Variants in RRP12 observed in about 807,000 individuals in gnomAD.
The protein encoded by RRP12 is ribosomal RNA processing 12 homolog.
A neutral mutation model predicts 157.3 loss-of-function variants in RRP12; 78 were observed. That is an observed-to-expected ratio of 0.50 (90% CI 0.41 to 0.60). The LOEUF (loss-of-function observed/expected upper bound fraction) is 0.60. Ranked by LOEUF, RRP12 falls within the 20% of genes least tolerant of loss-of-function variation. RRP12 has a pLI of 0.00. For synonymous variants in RRP12, 726 were observed against 670.9 expected, an observed-to-expected ratio of 1.08 and a Z score of -1.27; for missense variants, 1,521 against 1,679.9, an observed-to-expected ratio of 0.91 and a Z score of 1.65.
chr10:97,396,618 T>C (rs577920614), intron 2 of RRP12, among the ~76,000 whole-genome samples: 24 of 152,302 alleles, frequency 1.6e-4, no homozygotes, highest in Non-Finnish European at 2.1e-4. Context: ...AGGAGATTAA[T>C]AATGTACTGT....
At chr10:97,393,906 G>C in intron 3 of RRP12, 146 bp from the exon 4 acceptor site, 2 of 626,816 alleles carry the variant, frequency 3.2e-6, no homozygotes, top group Non-Finnish European at 5.6e-6. Context: ...GGCATTGTGT[G>C]GTTTTGGGCT....
intron 15 of RRP12, among the ~76,000 whole-genome samples, chr10:97,378,410 C>T (rs928223861): frequency 6.6e-6 from 1 of 152,146 alleles, no homozygotes; most frequent in Non-Finnish European, 1.5e-5. Flanking sequence ...AGTGCTGCAA[C>T]TGTAATACAA....
At chr10:97,392,816 C>T (rs1403778423) in intron 4 of RRP12, among the ~76,000 whole-genome samples, 7 of 152,016 alleles carry the variant, frequency 4.6e-5, no homozygotes, top group Non-Finnish European at 1.0e-4. Context: ...CTCAGCCTCC[C>T]GAGTAGCTGA....
chr10:97,397,280 C>T (rs186152311), intron 2 of RRP12, among the ~76,000 whole-genome samples: 68 of 152,182 alleles, frequency 4.5e-4, no homozygotes, highest in African/African-American at 1.6e-3. Context: ...CCTGCCTCAG[C>T]CTCCTGAGTA....
intron 22 of RRP12, 65 bp from the exon 23 acceptor site, chr10:97,370,625 C>T (rs1195984587): frequency 6.3e-7 from 1 of 1,581,894 alleles, no homozygotes; most frequent in Non-Finnish European, 8.7e-7. Context: ...GAATCGAGTC[C>T]TCCCACTCCC....
intron 8 of RRP12, among the ~76,000 whole-genome samples, chr10:97,386,317 G>A (rs1296643940): frequency 6.7e-6 from 1 of 149,998 alleles, no homozygotes; most frequent in African/African-American, 2.5e-5. Flanking sequence ...TGGATACAGG[G>A]GTGAGACCAA....
At chr10:97,366,035 C>T (rs201200235) in intron 29 of RRP12, 73 bp downstream of exon 29, 29 of 1,591,852 alleles carry the variant, frequency 1.8e-5, no homozygotes, top group East Asian at 4.5e-5. Flanking sequence ...TTTTTAGCCA[C>T]GCTTCCTCAG....
rs1844479442 is a variant in RRP12 at position 97,381,908 on chromosome 10, A to G, written c.1209-82T>C. ...CCAGGGCTCAGGGCTGAGACGGCCC[A>G]GCTCTGAAAACAGTCACAAACCCAG... On this transcript the variant is annotated intron_variant, in intron 10 of 33. Coordinates refer to ENST00000370992, the MANE Select transcript of RRP12 (RefSeq NM_015179.4). 16 of 920,682 alleles carry G rather than the reference A, an allele frequency of 1.7e-5. 1 individual carries two copies. The South Asian group carries it at 2.5e-4, about 14-fold the overall frequency. 57.0% of individuals were successfully genotyped at this position (920,682 alleles called of 1,614,324 possible).
chr10:97,386,859 G>A (rs981740693), intron 8 of RRP12, among the ~76,000 whole-genome samples: 3 of 152,030 alleles, frequency 2.0e-5, no homozygotes, highest in Non-Finnish European at 2.9e-5. Flanking sequence ...GTGTGGTGGC[G>A]GGCGCCTGTA....
At position 97,361,070 on chromosome 10, in the gene RRP12, C is replaced by T. The variant is rs192696816; in HGVS notation, c.3568-452G>A. Among the ~76,000 whole-genome samples, 327 of 152,318 alleles carry T rather than the reference C, an allele frequency of 2.1e-3. 1 individual carries two copies. Among genetic ancestry groups the T allele is most frequent in the African/African-American group, 7.4e-3 (306 of 41,560 alleles). Reference sequence around the variant, plus strand: ...CACTTACTGATCCCCTACTAAGTGCCAGGCCCTGGGGACACAGGGCACAAG... The same window carrying T: ...CACTTACTGATCCCCTACTAAGTGCTAGGCCCTGGGGACACAGGGCACAAG... On this transcript the variant is annotated intron_variant, in intron 30 of 33. Coordinates refer to ENST00000370992, the MANE Select transcript of RRP12 (RefSeq NM_015179.4).
At chr10:97,363,957 C>A in intron 29 of RRP12, 54 bp from the exon 30 acceptor site, 4 of 1,532,548 alleles carry the variant, frequency 2.6e-6, no homozygotes, top group Non-Finnish European at 3.6e-6. Flanking sequence ...TCAAAACCTA[C>A]CCTTTCCTTC....
In RRP12 at chr10:97,388,494, G is replaced by T. The variant is rs779507667; in HGVS notation, c.884C>A (p.Ser295Tyr). ...CCTCCATTTGGGTTCCCCACCTCCAGACTTCTCAATCTCCTGGATGCAGAA... is the reference window on the plus strand; with the variant it reads ...CCTCCATTTGGGTTCCCCACCTCCATACTTCTCAATCTCCTGGATGCAGAA... ...AKFCIQEIEK[S>Y]GGSKEATTTL... The change falls in exon 7 of 34, where the codon TCT (serine) becomes TAT (tyrosine). Residue 295 changes from serine to tyrosine, a missense_variant. Transcript: ENST00000370992. 11 of 1,614,038 alleles carry T rather than the reference G, an allele frequency of 6.8e-6. No individual in the cohort carries two copies. Among genetic ancestry groups the T allele is most frequent in the Non-Finnish European group, 9.3e-6 (11 of 1,180,028 alleles).
At chr10:97,366,964 G>A in intron 26 of RRP12, 55 bp from the exon 27 acceptor site, 2 of 1,609,600 alleles carry the variant, frequency 1.2e-6, no homozygotes, top group Non-Finnish European at 1.7e-6. Context: ...GCACGACCCA[G>A]ATGTAGTGTC....
Position 97,379,305 on chromosome 10 carries a change from G to T in RRP12, c.1786C>A (p.Leu596Met). The T allele has an allele frequency of 6.2e-7, 1 of 1,614,028 alleles. No individual in the cohort carries two copies. The highest frequency in any genetic ancestry group is 1.1e-5 in the South Asian group (1 of 91,056). Residue 596 changes from leucine (L) to methionine (M), a missense_variant, in exon 15 of 34, where the codon CTG (leucine) becomes ATG (methionine). Transcript: ENST00000370992. Reference sequence around the variant, plus strand: ...GGGTCTCTCCTACCTTTGCTCTTCAGGGTGTTAGCCAGGGGCAAGAAGTAG... The same window carrying T: ...GGGTCTCTCCTACCTTTGCTCTTCATGGTGTTAGCCAGGGGCAAGAAGTAG... ...TTYFLPLANT[L>M]KSKAMDLAQA...
In RRP12 at chr10:97,366,632, A is replaced by G. The variant is rs1843989741; in HGVS notation, c.3216-11T>C. On this transcript the variant is annotated splice_polypyrimidine_tract_variant and intron_variant, in intron 27 of 33. Coordinates refer to ENST00000370992, the MANE Select transcript of RRP12 (RefSeq NM_015179.4). Reference sequence around the variant, plus strand: ...AAAATCTCCTCAATGCTAAGGACAAAAAGCCCCCAGTCAGAGTGCTCCCAG... The same window carrying G: ...AAAATCTCCTCAATGCTAAGGACAAGAAGCCCCCAGTCAGAGTGCTCCCAG... 6.2e-7 allele frequency: 1 copy of G among 1,607,714 alleles called. No homozygotes were observed.
rs1784853699 is a variant in RRP12, at chr10:97,373,094, C to T, written c.2133G>A (p.Arg711=). Residue 711 remains arginine (R), a synonymous_variant, in exon 18 of 34, where the codon CGG becomes CGA. Transcript: ENST00000370992. The part of the protein sequence containing the change: ...VAAGDTPAPR[R]AVLETIRTYL... ...AAGTTCTGATGGTTTCCAGCACAGC[C>T]CGGCGAGGGGCTGGAGTGTCCCCGG... 4.3e-6 allele frequency: 7 copies of T among 1,613,916 alleles called. No homozygotes were observed. The highest frequency in any genetic ancestry group is 5.9e-6 in the Non-Finnish European group (7 of 1,179,946).
intron 30 of RRP12, among the ~76,000 whole-genome samples, chr10:97,362,017 G>A (rs1223858486): frequency 6.0e-4 from 91 of 150,498 alleles, no homozygotes; most frequent in Non-Finnish European, 2.9e-5. Flanking sequence ...TGAGGCAGGA[G>A]AATCACTTGA....
At chr10:97,383,100 G>A in intron 10 of RRP12, among the ~76,000 whole-genome samples, 1 of 152,124 alleles carries the variant, frequency 6.6e-6, no homozygotes, top group South Asian at 2.1e-4. Context: ...GTACTTCATT[G>A]TTTATATTTC....
In RRP12 at chr10:97,387,233, T is replaced by A. The variant is rs1015122431; in HGVS notation, c.1017+1019A>T. On this transcript the variant is annotated intron_variant, in intron 8 of 33. Coordinates refer to ENST00000370992, the MANE Select transcript of RRP12 (RefSeq NM_015179.4). ...CTACACTCTGTTGTCTAAGGAATAA[T>A]GACAAGGAAAAAAAACTGTACATGT... Among the ~76,000 whole-genome samples the A allele has an allele frequency of 4.6e-5, 7 of 151,900 alleles. No homozygotes were observed. In the East Asian group the frequency reaches 9.6e-4, roughly 21 times the overall value.
Sources: allele counts gnomAD v4.1 joint callset (sites outside exome capture counted in the v4.1 genomes callset), GRCh38; gene constraint gnomAD v4.1.1; transcripts MANE v1.5; gene names NCBI Gene and HGNC (gene_info 2026-07-23, HGNC 2026-07-21).